The following PPP1R14C variants were observed in gnomAD, a reference collection of about 807,000 sequenced individuals.
PPP1R14C encodes protein phosphatase 1 regulatory inhibitor subunit 14C.
Under a neutral mutation model 20.4 loss-of-function variants are expected in PPP1R14C, and 16 were observed. The ratio of observed to expected loss-of-function variants is 0.78; its 90% CI spans 0.53 to 1.19. PPP1R14C has a LOEUF of 1.19. PPP1R14C is among the 50% of genes most tolerant of loss of function. The pLI is 0.00. For missense variants in PPP1R14C, 211 were observed against 220.1 expected, an observed-to-expected ratio of 0.96 and a Z score of 0.26; for synonymous variants, 91 against 91.0, an observed-to-expected ratio of 1.00 and a Z score of 0.00.
chr6:150,226,892 G>A lies in PPP1R14C; in HGVS notation c.423+10036G>A, dbSNP rs534731742. ...AATGGAAATGTCATGGACACACACT[G>A]GTACCAGAAAGCCATGTGTGATCTG... On this transcript the variant is annotated intron_variant, in intron 3 of 3. Coordinates refer to ENST00000361131, the MANE Select transcript of PPP1R14C (RefSeq NM_030949.3). Among the ~76,000 whole-genome samples, 7 of 152,298 alleles carry A rather than the reference G, an allele frequency of 4.6e-5. No individual in the cohort carries two copies. In the South Asian group the frequency reaches 8.3e-4, roughly 18 times the overall value.
intron 1 of PPP1R14C, among the ~76,000 whole-genome samples, chr6:150,154,258 C>A (rs1777281417): frequency 6.6e-6 from 1 of 152,200 alleles, no homozygotes; most frequent in East Asian, 1.9e-4. Flanking sequence ...AAGGGCTGGG[C>A]TTCAGGAATG....
rs181085977 is a variant in PPP1R14C, at chr6:150,211,974, G to T, written c.307-2770G>T. Among the ~76,000 whole-genome samples the T allele has an allele frequency of 3.9e-4, 59 of 152,304 alleles. No individual in the cohort carries two copies. In the East Asian group the frequency reaches 9.9e-3, roughly 25 times the overall value. On this transcript the variant is annotated intron_variant, in intron 1 of 3. Transcript: ENST00000361131. ...AACCCTTGAGATCTGGGCTTTGTTT[G>T]CATCAGCTTTCTGGCTGGTAAAACC...
intron 3 of PPP1R14C, among the ~76,000 whole-genome samples, chr6:150,245,890 A>G (rs1195137687): frequency 4.6e-5 from 7 of 152,242 alleles, no homozygotes; most frequent in African/African-American, 1.7e-4. Context: ...TGAGCACCCC[A>G]TTATGCAAAT....
chr6:150,162,698 T>C (rs150873528), intron 1 of PPP1R14C, among the ~76,000 whole-genome samples: 83 of 152,270 alleles, frequency 5.5e-4, no homozygotes, highest in African/African-American at 1.9e-3. Flanking sequence ...ATTAGTGAGG[T>C]CAAAATGCCA....
At position 150,249,628 on chromosome 6, in the gene PPP1R14C, A is replaced by C; in HGVS notation, c.*808A>C. ...ACTTGATTTCTAGAGAAATATCCAC[A>C]CTATCTCAGTGGTATTTTGCATTGG... On this transcript the variant is annotated 3_prime_UTR_variant, in exon 4 of 4. Transcript: ENST00000361131. 2.5e-6 allele frequency: 1 copy of C among 398,328 alleles called. No homozygotes were observed. The highest frequency in any genetic ancestry group is 6.3e-4 in the Middle Eastern group (1 of 1,588). The allele number at this position is 398,328 out of a possible 1,614,324, so 24.7% of individuals were successfully genotyped here.
In PPP1R14C at chr6:150,185,973, G is replaced by A. The variant is rs1484841905; in HGVS notation, c.307-28771G>A. Among the ~76,000 whole-genome samples, 1 of 152,116 alleles carries A rather than the reference G, an allele frequency of 6.6e-6. No homozygotes were observed. The highest frequency in any genetic ancestry group is 1.9e-4 in the East Asian group (1 of 5,166). ...TTCACATCAGAGTTCACTGGGCAAA[G>A]CAAGTCCCTTAGTCACACCCAACTT... On this transcript the variant is annotated intron_variant, in intron 1 of 3. Transcript: ENST00000361131. The surrounding 1 kb of genome is among the most constrained non-coding windows in gnomAD (Gnocchi z 4.1).
In PPP1R14C at chr6:150,227,284, G is replaced by A. The variant is rs187170137; in HGVS notation, c.423+10428G>A. 7.0e-4 allele frequency among the ~76,000 whole-genome samples: 107 copies of A among 152,248 alleles called. 2 individuals carry two copies. Among genetic ancestry groups the A allele is most frequent in the Admixed American group, 2.3e-3 (35 of 15,288 alleles). ...CTCAACAAATGTGTATCGAATATCT[G>A]TGTGCCTGTAACTAATCTAGGAACT... On this transcript the variant is annotated intron_variant, in intron 3 of 3. Transcript: ENST00000361131.
chr6:150,162,179 C>G (rs989140187), intron 1 of PPP1R14C, among the ~76,000 whole-genome samples: 1 of 152,050 alleles, frequency 6.6e-6, no homozygotes, highest in Non-Finnish European at 1.5e-5. Flanking sequence ...CTCAGCCTCC[C>G]GAGCAGCTGG....
intron 1 of PPP1R14C, among the ~76,000 whole-genome samples, chr6:150,154,708 G>A (rs1582895154): frequency 6.6e-6 from 1 of 152,234 alleles, no homozygotes; most frequent in African/African-American, 2.4e-5. Context: ...TGAAGTGGGA[G>A]CGTATCCATC....
chr6:150,217,193 G>GTTTTTTTTTTTTT (rs201443446), intron 3 of PPP1R14C, among the ~76,000 whole-genome samples: 2 of 148,748 alleles, frequency 1.3e-5, no homozygotes. Context: ...TTATTGGTAT[G>GTTTTTTTTTTTTT]TATTTTTTTT....
chr6:150,145,616 G>T (rs1012924284), intron 1 of PPP1R14C, among the ~76,000 whole-genome samples: 1 of 152,154 alleles, frequency 6.6e-6, no homozygotes. Context: ...GGGTTCTCTT[G>T]TTGAGTAACC....
intron 1 of PPP1R14C, among the ~76,000 whole-genome samples, chr6:150,158,628 G>A (rs959976258): frequency 6.6e-6 from 1 of 152,172 alleles, no homozygotes; most frequent in Non-Finnish European, 1.5e-5. Flanking sequence ...ATCATTATGG[G>A]TAATTTATTT....
intron 1 of PPP1R14C, among the ~76,000 whole-genome samples, chr6:150,203,696 AG>A (rs1777907503): frequency 6.6e-6 from 1 of 152,166 alleles, no homozygotes; most frequent in African/African-American, 2.4e-5. Flanking sequence ...CTTCTCTCCA[AG>A]AATTGGCTAG....
chr6:150,194,367 C>A, intron 1 of PPP1R14C: 1 of 778,466 alleles, frequency 1.3e-6, no homozygotes, highest in Non-Finnish European at 1.6e-6. Context: ...ACAGCTTGAG[C>A]CAAGATTTAT....
In PPP1R14C at chr6:150,237,904, A is replaced by G. The variant is rs1455349646; in HGVS notation, c.424-10842A>G. Among the ~76,000 whole-genome samples, 3 of 151,932 alleles carry G rather than the reference A, an allele frequency of 2.0e-5. No homozygotes were observed. In the East Asian group the frequency reaches 5.8e-4, roughly 29 times the overall value. ...CAAGCCCATTAGGTTTTTTTTAGGC[A>G]TCTGTTTCAAAGGGTTCTTCTATAT... On this transcript the variant is annotated intron_variant, in intron 3 of 3. Coordinates refer to ENST00000361131, the MANE Select transcript of PPP1R14C (RefSeq NM_030949.3).
At position 150,161,210 on chromosome 6, in the gene PPP1R14C, G is replaced by A. The variant is rs768235551; in HGVS notation, c.306+17712G>A. 6.6e-5 allele frequency among the ~76,000 whole-genome samples: 10 copies of A among 151,928 alleles called. No homozygotes were observed. In the East Asian group the frequency reaches 9.7e-4, roughly 15 times the overall value. On this transcript the variant is annotated intron_variant, in intron 1 of 3. Coordinates refer to ENST00000361131, the MANE Select transcript of PPP1R14C (RefSeq NM_030949.3). ...CAGGAGAATCGCTTGAACCCAGGAGGCAGAGGTTGCAGTGAGCCGAGATCA... is the reference window on the plus strand; with the variant it reads ...CAGGAGAATCGCTTGAACCCAGGAGACAGAGGTTGCAGTGAGCCGAGATCA...
At chr6:150,218,129 C>T (rs1006635803) in intron 3 of PPP1R14C, among the ~76,000 whole-genome samples, 4 of 152,074 alleles carry the variant, frequency 2.6e-5, no homozygotes, top group African/African-American at 4.8e-5. Context: ...ATTGGCCTGT[C>T]GCGGTGGCTC....
At chr6:150,241,048 G>A (rs1164927635) in intron 3 of PPP1R14C, among the ~76,000 whole-genome samples, 1 of 152,088 alleles carries the variant, frequency 6.6e-6, no homozygotes, top group African/African-American at 2.4e-5. Context: ...GCATGTCTTG[G>A]TGGGCACCTA....
chr6:150,208,775 A>G (rs1052212342), intron 1 of PPP1R14C, among the ~76,000 whole-genome samples: 1 of 152,200 alleles, frequency 6.6e-6, no homozygotes, highest in African/African-American at 2.4e-5. Flanking sequence ...CTCATTAGCC[A>G]CAACAATTAA....
Sources: gnomAD v4.1 joint callset for allele counts (sites outside exome capture counted in the v4.1 genomes callset) on GRCh38, gnomAD v4.1.1 for gene constraint, Gnocchi (gnomAD v3.1) non-coding constraint, MANE v1.5 for transcripts, NCBI Gene and HGNC (gene_info 2026-07-23, HGNC 2026-07-21) for gene names.